The following SLC12A8 variants were observed in gnomAD, a reference collection of about 807,000 sequenced individuals.
The protein encoded by SLC12A8 is solute carrier family 12 member 8.
A neutral mutation model predicts 75.6 loss-of-function variants in SLC12A8; 69 were observed. The observed-to-expected ratio is 0.91, with a 90% CI of 0.75 to 1.11. The LOEUF (loss-of-function observed/expected upper bound fraction) is 1.11. Ranked by LOEUF, SLC12A8 falls within the 50% of genes most tolerant of loss-of-function variation. SLC12A8 has a pLI of 0.00. For missense variants in SLC12A8, 877 were observed against 896.7 expected (o/e 0.98, Z 0.28); for synonymous variants, 365 against 372.8 (o/e 0.98, Z 0.24).
At chr3:125,111,998 T>C (rs1939199595) in intron 8 of SLC12A8, among the ~76,000 whole-genome samples, 1 of 152,188 alleles carries the variant, frequency 6.6e-6, no homozygotes, top group African/African-American at 2.4e-5. Context: ...TTATCTTTAC[T>C]TCATTGGTTA....
intron 5 of SLC12A8, among the ~76,000 whole-genome samples, chr3:125,159,288 G>T (rs1421391161): frequency 1.3e-5 from 2 of 151,978 alleles, no homozygotes; most frequent in African/African-American, 4.8e-5. Flanking sequence ...TAGAGGTGGG[G>T]TCTCACTATG....
At chr3:125,091,957 T>C in intron 11 of SLC12A8, 144 bp downstream of exon 11, 1 of 567,648 alleles carries the variant, frequency 1.8e-6, no homozygotes, top group Non-Finnish European at 3.2e-6. Flanking sequence ...CCATATGTAG[T>C]CTCATCTAAA....
rs537073591 is a variant in SLC12A8, at chr3:125,121,232, T to C, written c.737-546A>G. Among the ~76,000 whole-genome samples, 40 of 152,366 alleles carry C rather than the reference T, an allele frequency of 2.6e-4. No individual in the cohort carries two copies. The South Asian group carries it at 5.0e-3, about 19-fold the overall frequency. ...ACTGACATGGAGTCACAAGCTCCTTTTCATCATCACCTCTCTTCTGCAAGA... is the reference window on the plus strand; with the variant it reads ...ACTGACATGGAGTCACAAGCTCCTTCTCATCATCACCTCTCTTCTGCAAGA... On this transcript the variant is annotated intron_variant, in intron 6 of 13. Coordinates refer to ENST00000469902, the MANE Select transcript of SLC12A8 (RefSeq NM_024628.6).
intron 10 of SLC12A8, among the ~76,000 whole-genome samples, chr3:125,095,969 A>G (rs757779069): frequency 5.3e-5 from 8 of 152,222 alleles, no homozygotes; most frequent in Non-Finnish European, 1.0e-4. Flanking sequence ...CTGTAGCTAG[A>G]ACTTTCAGCG....
intron 5 of SLC12A8, among the ~76,000 whole-genome samples, chr3:125,173,756 C>T (rs1286619206): frequency 6.6e-6 from 1 of 152,190 alleles, no homozygotes; most frequent in East Asian, 1.9e-4. Flanking sequence ...AAACACACAT[C>T]TGATAAAGGG....
Position 125,161,567 on chromosome 3 carries a change from G to A in SLC12A8, c.622+16176C>T, listed in dbSNP as rs117171687. On this transcript the variant is annotated intron_variant, in intron 5 of 13. Coordinates refer to ENST00000469902, the MANE Select transcript of SLC12A8 (RefSeq NM_024628.6). ...GTCTTTCTCTCAAACCTGCACAGTC[G>A]GAAAGAACAGGTCAAGAGACTCTTC... Among the ~76,000 whole-genome samples the A allele has an allele frequency of 1.3e-3, 194 of 152,186 alleles. 5 individuals carry two copies. In the East Asian group the frequency reaches 0.027, roughly 21 times the overall value.
intron 5 of SLC12A8, 57 bp from the exon 6 acceptor site, chr3:125,135,839 T>G (rs539927704): frequency 2.0e-6 from 2 of 990,984 alleles, no homozygotes; most frequent in South Asian, 3.2e-5. Context: ...AGGACACATT[T>G]CCCTAGATTA....
chr3:125,088,421 T>C, intron 12 of SLC12A8, 51 bp from the exon 13 acceptor site: 1 of 1,552,142 alleles, frequency 6.4e-7, no homozygotes, highest in Non-Finnish European at 8.9e-7. Flanking sequence ...ACATAAGGCA[T>C]CTAGAAGCTC....
chr3:125,095,586 G>A (rs899365531), intron 10 of SLC12A8, among the ~76,000 whole-genome samples: 1 of 152,216 alleles, frequency 6.6e-6, no homozygotes, highest in East Asian at 1.9e-4. Context: ...GCAACAGAAT[G>A]TGAACAGAAG....
intron 10 of SLC12A8, among the ~76,000 whole-genome samples, chr3:125,100,580 G>A (rs1938843391): frequency 6.6e-6 from 1 of 151,066 alleles, no homozygotes; most frequent in Non-Finnish European, 1.5e-5. Context: ...GCTAATTTTT[G>A]TATTTTTAGT....
At chr3:125,105,043 C>T (rs1288080681) in intron 10 of SLC12A8, among the ~76,000 whole-genome samples, 4 of 151,610 alleles carry the variant, frequency 2.6e-5, no homozygotes, top group Non-Finnish European at 5.9e-5. Flanking sequence ...TCAGTCAAAA[C>T]TAATCGTGAC....
intron 6 of SLC12A8, among the ~76,000 whole-genome samples, chr3:125,134,092 T>A (rs1228715954): frequency 6.6e-6 from 1 of 152,092 alleles, no homozygotes; most frequent in East Asian, 1.9e-4. Flanking sequence ...TATTGTTGTG[T>A]GTATCGATAG....
At chr3:125,126,326 A>T (rs939646203) in intron 6 of SLC12A8, among the ~76,000 whole-genome samples, 2 of 152,330 alleles carry the variant, frequency 1.3e-5, no homozygotes, top group Non-Finnish European at 2.9e-5. Context: ...CACCAGGTGA[A>T]CAGGGGACTT....
At chr3:125,115,189 G>A (rs1347121129) in intron 8 of SLC12A8, among the ~76,000 whole-genome samples, 1 of 152,180 alleles carries the variant, frequency 6.6e-6, no homozygotes, top group Non-Finnish European at 1.5e-5. Flanking sequence ...ACATACACCT[G>A]AGAGCTGGGA....
chr3:125,174,384 G>T (rs763643654), intron 5 of SLC12A8, among the ~76,000 whole-genome samples: 1 of 152,186 alleles, frequency 6.6e-6, no homozygotes, highest in Non-Finnish European at 1.5e-5. Flanking sequence ...ATTCATTGTT[G>T]GTGGGAATGC....
At chr3:125,209,353 T>C (rs558659243) in intron 2 of SLC12A8, among the ~76,000 whole-genome samples, 1 of 152,312 alleles carries the variant, frequency 6.6e-6, no homozygotes, top group Admixed American at 6.5e-5. Context: ...CTTCAGAATG[T>C]TGTAGTGGAG....
intron 5 of SLC12A8, chr3:125,151,531 G>A: frequency 1.3e-5 from 2 of 154,216 alleles, no homozygotes; most frequent in Middle Eastern, 1.1e-3. Context: ...GTCCCCACTG[G>A]CTTTGGCATC....
At chr3:125,162,582 TG>T (rs1229956313) in intron 5 of SLC12A8, among the ~76,000 whole-genome samples, 2 of 152,220 alleles carry the variant, frequency 1.3e-5, no homozygotes, top group African/African-American at 4.8e-5. Context: ...AGATTCAGAT[TG>T]TTTTTGGTCT....
intron 10 of SLC12A8, among the ~76,000 whole-genome samples, chr3:125,093,228 A>C (rs1264176707): frequency 6.6e-6 from 1 of 152,238 alleles, no homozygotes; most frequent in East Asian, 1.9e-4. Flanking sequence ...CAGTATGTTT[A>C]TACTTCATTT....
Sources: gnomAD v4.1 joint callset for allele counts (sites outside exome capture counted in the v4.1 genomes callset) on GRCh38, gnomAD v4.1.1 for gene constraint, MANE v1.5 for transcripts, NCBI Gene and HGNC (gene_info 2026-07-23, HGNC 2026-07-21) for gene names.